Variants in ARHGAP30 observed in about 807,000 individuals in gnomAD.
ARHGAP30 encodes the protein Rho GTPase activating protein 30, also known as rho GTPase-activating protein 30.
A neutral mutation model predicts 72.0 loss-of-function variants in ARHGAP30; 23 were observed. The ratio of observed to expected loss-of-function variants is 0.32; its 90% CI spans 0.23 to 0.45. ARHGAP30 has a LOEUF of 0.45. ARHGAP30 is among the 20% of genes least tolerant of loss of function. The pLI, the probability that ARHGAP30 is intolerant of heterozygous loss-of-function variation, is 1.00. For missense variants in ARHGAP30, 1,319 were observed against 1,383.4 expected (o/e 0.95, Z 0.74); for synonymous variants, 576 against 528.2 (o/e 1.09, Z -1.24).
chr1:161,049,775 G>A, intron 10 of ARHGAP30, 86 bp from the exon 11 acceptor site: 1 of 1,506,698 alleles, frequency 6.6e-7, no homozygotes, highest in South Asian at 1.3e-5. Flanking sequence ...GATATAGCAG[G>A]GGCCCAGCAC....
At chr1:161,049,374 G>A in intron 11 of ARHGAP30, 40 bp from the exon 12 acceptor site, 1 of 1,600,404 alleles carries the variant, frequency 6.2e-7, no homozygotes, top group Non-Finnish European at 8.5e-7. Context: ...AGGAGGCCCT[G>A]TCCACCCTTG....
intron 1 of ARHGAP30, among the ~76,000 whole-genome samples, chr1:161,066,597 A>G (rs1652790178): frequency 7.6e-6 from 1 of 131,032 alleles, no homozygotes; most frequent in Admixed American, 8.7e-5. Flanking sequence ...GTAAGCCAAG[A>G]TGGTTGTGCT....
intron 1 of ARHGAP30, among the ~76,000 whole-genome samples, chr1:161,062,932 A>C (rs945210780): frequency 1.3e-5 from 2 of 151,658 alleles, no homozygotes; most frequent in Non-Finnish European, 2.9e-5. Flanking sequence ...CTCCTGCCTC[A>C]GCCTCCCTAG....
rs1557935216 is a variant in ARHGAP30 at position 161,064,818 on chromosome 1, AG to A, written c.97+4709del. On this transcript the variant is annotated intron_variant, in intron 1 of 11. Coordinates refer to ENST00000368013, the MANE Select transcript of ARHGAP30 (RefSeq NM_001025598.2). The stretch of plus-strand genomic sequence containing the variant: ...AAGAAAGAAAGAAAGAAAGAAAGAA[AG>A]AAAGAAAGAAAGAGAAAGAAAGAAA... Among the ~76,000 whole-genome samples, 7 of 61,748 alleles carry A rather than the reference AG, an allele frequency of 1.1e-4. No individual in the cohort carries two copies. In the East Asian group the frequency reaches 1.4e-3, roughly 13 times the overall value. The allele number at this position is 61,748 out of a possible 152,430, so 40.5% of individuals were successfully genotyped here. A position where few individuals can be genotyped will look rare whatever the true frequency, so the allele number is the denominator to read the frequency against.
At chr1:161,060,195 C>A (rs1314580286) in intron 1 of ARHGAP30, 1 of 451,992 alleles carries the variant, frequency 2.2e-6, no homozygotes, top group Non-Finnish European at 4.4e-6. Flanking sequence ...ATGGGAGGAT[C>A]ACCTGAGCCC....
At position 161,047,123 on chromosome 1, in the gene ARHGAP30, C is replaced by T; in HGVS notation, c.*592G>A. The T allele has an allele frequency of 3.4e-6, 1 of 291,762 alleles. No homozygotes were observed. Among genetic ancestry groups the T allele is most frequent in the Non-Finnish European group, 7.4e-6 (1 of 135,804 alleles). 18.1% of individuals were successfully genotyped at this position (291,762 alleles called of 1,614,324 possible). Reference sequence around the variant, plus strand: ...CCAGAGAGATCTGTACAGGACCTCTCTTGCACATGGTGACTGGAGGCAGAG... The same window carrying T: ...CCAGAGAGATCTGTACAGGACCTCTTTTGCACATGGTGACTGGAGGCAGAG... On this transcript the variant is annotated 3_prime_UTR_variant, in exon 12 of 12. Transcript: ENST00000368013.
At chr1:161,054,246 G>A (rs1393661929) in intron 5 of ARHGAP30, 120 bp downstream of exon 5, 10 of 874,240 alleles carry the variant, frequency 1.1e-5, no homozygotes, top group Admixed American at 2.2e-5. Flanking sequence ...TTCTCACTGG[G>A]CTTTGTGAGC....
At position 161,048,635 on chromosome 1, in the gene ARHGAP30, C is replaced by G. The variant is rs369809062; in HGVS notation, c.2386G>C (p.Glu796Gln). The G allele has an allele frequency of 1.2e-6, 2 of 1,614,116 alleles. No individual in the cohort carries two copies. Among genetic ancestry groups the G allele is most frequent in the Non-Finnish European group, 1.7e-6 (2 of 1,180,030 alleles). Residue 796 changes from glutamate (E) to glutamine (Q), a missense_variant, in exon 12 of 12, where the codon GAG (glutamate) becomes CAG (glutamine). Glu to Gln is a conservative substitution (Grantham distance 29). Coordinates refer to ENST00000368013, the MANE Select transcript of ARHGAP30 (RefSeq NM_001025598.2). ...TCCCTCTGTCCTTTGTCCTCATCCT[C>G]TCTGACTCCCTCAGCCTCTTGTTTC... ...VQKQEAEGVR[E>Q]DEDKGQREKG...
chr1:161,059,711 G>A lies in ARHGAP30; in HGVS notation c.103C>T (p.Gln35Ter). 1 of 1,612,318 alleles carries A rather than the reference G, an allele frequency of 6.2e-7. No homozygotes were observed. Among genetic ancestry groups the A allele is most frequent in the Non-Finnish European group, 8.5e-7 (1 of 1,178,968 alleles). Residue 35 changes from glutamine to a stop codon, truncating the protein, a stop_gained, in exon 2 of 12, where the codon CAG (glutamine) becomes TAG (stop). Transcript: ENST00000368013. LOFTEE classifies it high-confidence loss of function. The part of the protein sequence containing the change: ...HLQHSGQEVP[Q>*]VLKSCAEFVE... ...AATTCTGCACAGCTCTTTAGCACCT[G>A]GGGCACTGGGGACACAGACGGGGCA...
In ARHGAP30 at chr1:161,048,670, T is replaced by A. The variant is rs780979775; in HGVS notation, c.2351A>T (p.Glu784Val). ...CTCAGCCTCTTGTTTCTGTACAACT[T>A]CCCATTTCTCCTCAGCAACTTGATC... Reference protein sequence around the residue: ...QEDQVAEEKWEVVQKQEAEGV... With the variant: ...QEDQVAEEKWVVVQKQEAEGV... The change falls in exon 12 of 12, where the codon GAA becomes GTA. Residue 784 changes from glutamate (E) to valine (V), a missense_variant. Glu to Val is a moderately radical substitution (Grantham distance 121). Transcript: ENST00000368013. 5.6e-6 allele frequency: 9 copies of A among 1,614,012 alleles called. No homozygotes were observed. The highest frequency in any genetic ancestry group is 1.3e-5 in the African/African-American group (1 of 74,890).
rs146518263 is a variant in ARHGAP30 at position 161,053,441 on chromosome 1, A to G, written c.537-56T>C. On this transcript the variant is annotated intron_variant, in intron 5 of 11. Transcript: ENST00000368013. ...AGCCCCACCAAACTTCCCAATCCAG[A>G]TTCTCCCTGAAAATACCTTATTCTC... The G allele has an allele frequency of 2.1e-3, 3,278 of 1,558,232 alleles. 43 individuals are homozygous for G. Among genetic ancestry groups the G allele is most frequent in the Non-Finnish European group, 9.5e-4 (1,082 of 1,143,100 alleles).
intron 1 of ARHGAP30, 94 bp from the exon 2 acceptor site, chr1:161,059,810 C>G: frequency 9.6e-7 from 1 of 1,040,618 alleles, no homozygotes; most frequent in Non-Finnish European, 1.4e-6. Flanking sequence ...GGGGAGACCA[C>G]GACGAGCAAA....
At chr1:161,058,234 C>T (rs541984813) in intron 2 of ARHGAP30, among the ~76,000 whole-genome samples, 1 of 151,402 alleles carries the variant, frequency 6.6e-6, no homozygotes, top group African/African-American at 2.4e-5. Flanking sequence ...ATTGCTTGAA[C>T]CTAGGAGTCA....
At chr1:161,056,615 C>G (rs1651896469) in intron 2 of ARHGAP30, 83 bp from the exon 3 acceptor site, 1 of 1,476,296 alleles carries the variant, frequency 6.8e-7, no homozygotes, top group Admixed American at 2.0e-5. Flanking sequence ...TGGGTCCCGG[C>G]ATGGTCGTGG....
chr1:161,053,462 T>G, intron 5 of ARHGAP30, 77 bp from the exon 6 acceptor site: 1 of 689,128 alleles, frequency 1.5e-6, no homozygotes. Flanking sequence ...AAATACCTTA[T>G]TCTCTCTCTC....
At position 161,051,681 on chromosome 1, in the gene ARHGAP30, C is replaced by T; in HGVS notation, c.1053G>A (p.Arg351=). Residue 351 remains arginine, a synonymous_variant, in exon 10 of 12, where the codon CGG becomes CGA. Coordinates refer to ENST00000368013, the MANE Select transcript of ARHGAP30 (RefSeq NM_001025598.2). ...PEGLVGPSSP[R]PSPLLPESLE... ...AGCTCTCAGGCAGCAATGGGCTTGGCCGGGGGCTGCTGGGCCCCACCAGCC... is the reference window on the plus strand; with the variant it reads ...AGCTCTCAGGCAGCAATGGGCTTGGTCGGGGGCTGCTGGGCCCCACCAGCC... The T allele has an allele frequency of 1.2e-6, 2 of 1,611,854 alleles. No individual in the cohort carries two copies. Among genetic ancestry groups the T allele is most frequent in the Non-Finnish European group, 8.5e-7 (1 of 1,179,520 alleles).
chr1:161,055,900 TAAAATA>T (rs1557926792), intron 3 of ARHGAP30, among the ~76,000 whole-genome samples: 12 of 20,472 alleles, frequency 5.9e-4, no homozygotes, highest in African/African-American at 1.5e-3. Context: ...TAAAATAAAA[TAAAATA>T]AAATAAAATA....
Position 161,048,276 on chromosome 1 carries a change from A to G in ARHGAP30, c.2745T>C (p.Leu915=). Residue 915 remains leucine (L), a synonymous_variant, in exon 12 of 12, where the codon CTT becomes CTC. Coordinates refer to ENST00000368013, the MANE Select transcript of ARHGAP30 (RefSeq NM_001025598.2). ...GACGCATGCCCACGCCACCCAGGCC[A>G]AGAGAACAGGGGCATAGACAGCCGT... ...SPDGCLCPCS[L]GLGGVGMRLA... is the part of the protein sequence containing the mutation. The G allele has an allele frequency of 6.2e-7, 1 of 1,614,174 alleles. No homozygotes were observed. Among genetic ancestry groups the G allele is most frequent in the South Asian group, 1.1e-5 (1 of 91,088 alleles).
At position 161,069,513 on chromosome 1, in the gene ARHGAP30, AGCCG is replaced by A; in HGVS notation, c.97+11_97+14del. 6.3e-7 allele frequency: 1 copy of A among 1,591,260 alleles called. No individual in the cohort carries two copies. Among genetic ancestry groups the A allele is most frequent in the East Asian group, 2.2e-5 (1 of 44,764 alleles). ...CTCCCCACCCACCCTGCAGAAGCTGAGCCGGCCTCCTTACCCTCCTGGCCTGAGT... is the reference window on the plus strand; with the variant it reads ...CTCCCCACCCACCCTGCAGAAGCTGAGCCTCCTTACCCTCCTGGCCTGAGT... On this transcript the variant is annotated intron_variant, in intron 1 of 11. Coordinates refer to ENST00000368013, the MANE Select transcript of ARHGAP30 (RefSeq NM_001025598.2). The surrounding 1 kb of genome is among the most constrained non-coding windows in gnomAD (Gnocchi z 4.9).
Sources: gnomAD v4.1 joint callset for allele counts (sites outside exome capture counted in the v4.1 genomes callset) on GRCh38, gnomAD v4.1.1 for gene constraint, Gnocchi (gnomAD v3.1) non-coding constraint, MANE v1.5 for transcripts, NCBI Gene and HGNC (gene_info 2026-07-23, HGNC 2026-07-21) for gene names.